OSBPL10: variants seen among roughly 807,000 people sequenced by gnomAD.
OSBPL10 encodes the protein oxysterol-binding protein-related protein 10.
In OSBPL10, 49 loss-of-function variants were observed where a neutral mutation model predicts 81.7. The ratio of observed to expected loss-of-function variants is 0.60; its 90% CI spans 0.48 to 0.76. The LOEUF (loss-of-function observed/expected upper bound fraction) is 0.76. Ranked by LOEUF, OSBPL10 falls within the 30% of genes least tolerant of loss-of-function variation. The pLI is 0.00. For synonymous variants in OSBPL10, 419 were observed against 383.6 expected, an observed-to-expected ratio of 1.09 and a Z score of -1.08; for missense variants, 923 against 987.8, an observed-to-expected ratio of 0.93 and a Z score of 0.88.
At chr3:31,825,334 T>G (rs1259033927) in intron 4 of OSBPL10, among the ~76,000 whole-genome samples, 1 of 152,118 alleles carries the variant, frequency 6.6e-6, no homozygotes, top group African/African-American at 2.4e-5. Context: ...CAAGAATTTT[T>G]TTTTTAAGAA....
chr3:31,732,825 C>A, intron 6 of OSBPL10: 1 of 216,956 alleles, frequency 4.6e-6, no homozygotes, highest in Non-Finnish European at 9.1e-6. Context: ...CCACAGATCC[C>A]GGCCTGGCTC....
chr3:31,980,959 T>C lies in OSBPL10; in HGVS notation c.221A>G (p.Glu74Gly). The change falls in exon 1 of 12, where the codon GAG (glutamate) becomes GGG (glycine). Residue 74 changes from glutamate (E) to glycine (G), a missense_variant. Glu to Gly is a moderately conservative substitution (Grantham distance 98, BLOSUM62 -2). This residue lies in a region of OSBPL10 where 514 missense variants were observed against 508.0 expected (regional missense o/e 1.01). Transcript: ENST00000396556. ...GCTGAGCACGCCCTCGAGCGCCGGC[T>C]CCCTCCTGCGGCCGCCTCCCCCGGA... ...SPSGGGGRRREPALEGVLSKY... is the reference protein window; with the variant it reads ...SPSGGGGRRRGPALEGVLSKY... 1.3e-6 allele frequency: 2 copies of C among 1,573,040 alleles called. No homozygotes were observed. Among genetic ancestry groups the C allele is most frequent in the Non-Finnish European group, 1.7e-6 (2 of 1,164,014 alleles).
intron 2 of OSBPL10, among the ~76,000 whole-genome samples, chr3:32,015,545 G>A (rs1002768750): frequency 3.3e-5 from 5 of 152,166 alleles, no homozygotes; most frequent in African/African-American, 4.8e-5. Flanking sequence ...CATAGGCAAG[G>A]ACTTCATGTC....
Position 31,665,945 on chromosome 3 carries a change from C to T in OSBPL10, c.2097-1713G>A, listed in dbSNP as rs1270195507. 3.9e-5 allele frequency among the ~76,000 whole-genome samples: 6 copies of T among 152,276 alleles called. No individual in the cohort carries two copies. In the South Asian group the frequency reaches 8.3e-4, roughly 21 times the overall value. On this transcript the variant is annotated intron_variant, in intron 10 of 11. Coordinates refer to ENST00000396556, the MANE Select transcript of OSBPL10 (RefSeq NM_017784.5). Reference sequence around the variant, plus strand: ...AGACAGGGTGATGGGACCAGAACCACAGACAAAGATCTCTGCCCAACATGA... The same window carrying T: ...AGACAGGGTGATGGGACCAGAACCATAGACAAAGATCTCTGCCCAACATGA...
intron 2 of OSBPL10, among the ~76,000 whole-genome samples, chr3:31,997,800 G>A (rs1699106086): frequency 6.6e-6 from 1 of 151,916 alleles, no homozygotes; most frequent in African/African-American, 2.4e-5. Context: ...TTTTGTTTCT[G>A]AGACAGGGTC....
At chr3:31,917,246 T>A (rs1407316415) in intron 1 of OSBPL10, among the ~76,000 whole-genome samples, 1 of 152,178 alleles carries the variant, frequency 6.6e-6, no homozygotes. Context: ...GGCAAAGGAA[T>A]TTCAGTGTCC....
chr3:31,738,757 A>C (rs942381917), intron 5 of OSBPL10, among the ~76,000 whole-genome samples: 1 of 152,146 alleles, frequency 6.6e-6, no homozygotes, highest in Non-Finnish European at 1.5e-5. Flanking sequence ...CACAACCCAG[A>C]CTCCTACGCT....
intron 2 of OSBPL10, among the ~76,000 whole-genome samples, chr3:32,026,056 A>ATGATAGATAGATAGATAGATAGATGAT (rs1699406374): frequency 9.6e-6 from 1 of 104,310 alleles, no homozygotes; most frequent in African/African-American, 3.9e-5. Flanking sequence ...AGATAGATAG[A>ATGATAGATAGATAGATAGATAGATGAT]TGATAGATAG....
At chr3:31,770,329 G>T (rs1698342873) in intron 4 of OSBPL10, among the ~76,000 whole-genome samples, 2 of 152,060 alleles carry the variant, frequency 1.3e-5, no homozygotes, top group African/African-American at 4.8e-5. Context: ...CAATTTCAAA[G>T]ATTAAAAAAT....
intron 1 of OSBPL10, among the ~76,000 whole-genome samples, chr3:31,939,176 A>C (rs1575047685): frequency 4.1e-5 from 5 of 122,570 alleles, no homozygotes; most frequent in South Asian, 2.4e-4. Context: ...ACAGAGTTTC[A>C]CTCTGTCGCC....
intron 2 of OSBPL10, among the ~76,000 whole-genome samples, chr3:31,879,155 T>C (rs4955114): frequency 0.15 from 23,515 of 151,922 alleles, 2,404 homozygotes; most frequent in African/African-American, 0.28. Context: ...GAAGAAAGCA[T>C]ACAAAGGGAC....
Position 31,702,505 on chromosome 3 carries a change from T to G in OSBPL10, c.1099A>C (p.Asn367His), listed in dbSNP as rs1261892111. ...GACAAAACCAATTCAGAGCCTGAGT[T>G]TGGCTAAAATGAAATAATCAATAAA... ...EQTSQPEPEPNSGSELVLSED... is the reference protein window; with the variant it reads ...EQTSQPEPEPHSGSELVLSED... Residue 367 changes from asparagine (N) to histidine (H), a missense_variant, in exon 7 of 12, where the codon AAC becomes CAC. Transcript: ENST00000396556. 6.2e-7 allele frequency: 1 copy of G among 1,613,958 alleles called. No individual in the cohort carries two copies. The highest frequency in any genetic ancestry group is 1.3e-5 in the African/African-American group (1 of 74,854).
chr3:32,003,909 T>A (rs116420879), intron 2 of OSBPL10, among the ~76,000 whole-genome samples: 1,592 of 152,196 alleles, frequency 0.01, 36 homozygotes, highest in African/African-American at 0.036. Flanking sequence ...TACTAAGGGC[T>A]CTTTTGGACT....
At chr3:31,930,167 T>A (rs73061484) in intron 1 of OSBPL10, among the ~76,000 whole-genome samples, 31,368 of 129,166 alleles carry the variant, frequency 0.24, 3,812 homozygotes, top group Non-Finnish European at 0.3. Context: ...AAAAAAAAAA[T>A]TTTTTTTTAA....
chr3:31,724,559 C>CCAAGAAGCAAAACCTTATTATCACCCA (rs1156581703), intron 6 of OSBPL10, among the ~76,000 whole-genome samples: 3 of 151,924 alleles, frequency 2.0e-5, no homozygotes, highest in Non-Finnish European at 2.9e-5. Flanking sequence ...CAACACCCAC[C>CCAAGAAGCAAAACCTTATTATCACCCA]CAAGAAGCAA....
chr3:31,741,439 A>T (rs1697348233), intron 5 of OSBPL10, among the ~76,000 whole-genome samples: 5 of 152,008 alleles, frequency 3.3e-5, no homozygotes, highest in Admixed American at 1.3e-4. Context: ...TAATTTTTGT[A>T]TTTTTAGTAG....
chr3:31,863,261 C>A (rs7615336), intron 3 of OSBPL10, among the ~76,000 whole-genome samples: 1 of 151,870 alleles, frequency 6.6e-6, no homozygotes, highest in African/African-American at 2.4e-5. Context: ...GCTGGGAAGA[C>A]AGGGTGGATA....
intron 3 of OSBPL10, among the ~76,000 whole-genome samples, chr3:31,862,248 A>G (rs902430310): frequency 2.6e-5 from 4 of 152,216 alleles, no homozygotes; most frequent in Non-Finnish European, 4.4e-5. Context: ...GGAAAGCTTC[A>G]AAGAATCTGT....
intron 4 of OSBPL10, among the ~76,000 whole-genome samples, chr3:31,809,965 G>A (rs1699635414): frequency 2.1e-5 from 3 of 145,914 alleles, no homozygotes; most frequent in Admixed American, 7.0e-5. Context: ...TCTGCCTCCT[G>A]GATTCAAGCG....
Sources: allele counts gnomAD v4.1 joint callset (sites outside exome capture counted in the v4.1 genomes callset), GRCh38; gene constraint gnomAD v4.1.1; regional missense constraint gnomAD v4.1.1; transcripts MANE v1.5; gene names NCBI Gene and HGNC (gene_info 2026-07-23, HGNC 2026-07-21).